Variants in USP34 observed in about 807,000 individuals in gnomAD.
USP34 encodes the protein ubiquitin carboxyl-terminal hydrolase 34.
A neutral mutation model predicts 460.3 loss-of-function variants in USP34; 70 were observed. The observed-to-expected ratio is 0.15, with a 90% CI of 0.13 to 0.19. The LOEUF is 0.19. Among genes scored for constraint, USP34 ranks in the 10% least tolerant of loss-of-function variants. USP34 has a pLI of 1.00. For missense variants in USP34, 3,985 were observed against 4,236.2 expected, an observed-to-expected ratio of 0.94 and a Z score of 1.65; for synonymous variants, 1,647 against 1,405.3, an observed-to-expected ratio of 1.17 and a Z score of -3.85.
intron 35 of USP34, 96 bp downstream of exon 35, chr2:61,284,779 A>G (rs1031253813): frequency 1.0e-6 from 1 of 983,638 alleles, no homozygotes; most frequent in Non-Finnish European, 1.4e-6. Flanking sequence ...TATCCCCCAA[A>G]TTTTTCTATT....
At chr2:61,226,998 TG>T in intron 62 of USP34, 68 bp downstream of exon 62, 1 of 1,501,404 alleles carries the variant, frequency 6.7e-7, no homozygotes, top group South Asian at 1.4e-5. Context: ...GAAAAACTAG[TG>T]GTAAACAATT....
rs200995448 is a variant in USP34, at chr2:61,211,840, G to A, written c.8772C>T (p.Phe2924=). The A allele has an allele frequency of 1.2e-6, 2 of 1,608,986 alleles. No individual in the cohort carries two copies. Among genetic ancestry groups the A allele is most frequent in the Non-Finnish European group, 1.7e-6 (2 of 1,178,364 alleles). Residue 2924 remains phenylalanine, a synonymous_variant, in exon 69 of 80, where the codon TTC becomes TTT. Coordinates refer to ENST00000398571, the MANE Select transcript of USP34 (RefSeq NM_014709.4). ...AGTAACAACTTATGGTTGTTTTCTT[G>A]AACTGTTTAATATCTTCTAATTCTT... The part of the protein sequence containing the change: ...REEELEDIKQ[F]KKTTISCYLR...
At chr2:61,342,434 G>A (rs1691633791) in intron 16 of USP34, among the ~76,000 whole-genome samples, 2 of 151,332 alleles carry the variant, frequency 1.3e-5, no homozygotes, top group African/African-American at 2.4e-5. Context: ...CCAAGTAGCT[G>A]GGACTACAGG....
In USP34 at chr2:61,281,147, C is replaced by T. The variant is rs560445051; in HGVS notation, c.5094G>A (p.Leu1698=). ...GDSINRSFLL[L]AASTLLKFLP... is the part of the protein sequence containing the mutation. ...GAAATTTCAATAATGTTGAGGCAGC[C>T]AATAGCAGAAAAGAACGATTGATTG... The change falls in exon 38 of 80, where the codon TTG becomes TTA. Residue 1698 remains leucine, a synonymous_variant. Coordinates refer to ENST00000398571, the MANE Select transcript of USP34 (RefSeq NM_014709.4). 9.9e-6 allele frequency: 16 copies of T among 1,613,674 alleles called. No individual in the cohort carries two copies. The highest frequency in any genetic ancestry group is 1.6e-4 in the Middle Eastern group (1 of 6,084).
At chr2:61,303,461 C>A (rs1023073933) in intron 27 of USP34, among the ~76,000 whole-genome samples, 1 of 152,026 alleles carries the variant, frequency 6.6e-6, no homozygotes, top group Admixed American at 6.5e-5. Context: ...AATCTAATAG[C>A]GATACCATTT....
chr2:61,204,193 G>A, intron 74 of USP34, 63 bp downstream of exon 74: 1 of 1,603,430 alleles, frequency 6.2e-7, no homozygotes, highest in Non-Finnish European at 8.5e-7. Flanking sequence ...ATAACTGCCA[G>A]GGGAAAAATT....
chr2:61,378,935 A>AAAAAAAAC (rs1692885394), intron 7 of USP34, among the ~76,000 whole-genome samples: 5 of 146,110 alleles, frequency 3.4e-5, no homozygotes, highest in Admixed American at 6.9e-5. Context: ...AAAAAAAAAA[A>AAAAAAAAC]AACAACACTA....
intron 1 of USP34, 48 bp from the exon 2 acceptor site, chr2:61,420,881 A>T (rs1342243488): frequency 7.1e-7 from 1 of 1,401,936 alleles, no homozygotes; most frequent in South Asian, 1.3e-5. Flanking sequence ...CTAAACCAGT[A>T]TTAAAGCCAA....
At chr2:61,395,785 CAAAAAAAAAAAAAA>C (rs541139131) in intron 3 of USP34, among the ~76,000 whole-genome samples, 1 of 29,330 alleles carries the variant, frequency 3.4e-5, no homozygotes, top group Admixed American at 4.5e-4. Flanking sequence ...GACTCCGTCT[CAAAAAAAAAAAAAA>C]AAAAAAAAAA....
At chr2:61,264,418 G>C (rs1407126009) in intron 43 of USP34, among the ~76,000 whole-genome samples, 1 of 152,120 alleles carries the variant, frequency 6.6e-6, no homozygotes, top group Non-Finnish European at 1.5e-5. Flanking sequence ...GAAGCATCTT[G>C]TAAGCCCAGG....
chr2:61,416,887 G>A, intron 2 of USP34: 1 of 832,466 alleles, frequency 1.2e-6, no homozygotes, highest in Non-Finnish European at 1.9e-6. Context: ...AAGCCCTCAT[G>A]AGTGCAGGGC....
At chr2:61,236,554 G>A (rs1321918037) in intron 53 of USP34, among the ~76,000 whole-genome samples, 165 bp from the exon 54 acceptor site, 1 of 151,894 alleles carries the variant, frequency 6.6e-6, no homozygotes, top group Non-Finnish European at 1.5e-5. Context: ...CATATAAATG[G>A]TTGCTACTAA....
In USP34 at chr2:61,470,707, C is replaced by A. The variant is rs763301744; in HGVS notation, c.-15G>T. The A allele has an allele frequency of 6.9e-6, 11 of 1,585,608 alleles. No homozygotes were observed. Among genetic ancestry groups the A allele is most frequent in the Non-Finnish European group, 8.6e-6 (10 of 1,164,576 alleles). On this transcript the variant is annotated 5_prime_UTR_variant, in exon 1 of 80. Coordinates refer to ENST00000398571, the MANE Select transcript of USP34 (RefSeq NM_014709.4). Reference sequence around the variant, plus strand: ...TTCTCGCACATCGTTCGGCCGCCGCCCCCCCCCTCCCCCGCTTCGGATCAC... The same window carrying A: ...TTCTCGCACATCGTTCGGCCGCCGCACCCCCCCTCCCCCGCTTCGGATCAC...
At chr2:61,254,661 TAAG>T (rs1463894015) in intron 48 of USP34, among the ~76,000 whole-genome samples, 2 of 152,362 alleles carry the variant, frequency 1.3e-5, no homozygotes, top group East Asian at 3.9e-4. Context: ...TTATGGCTCT[TAAG>T]AGCCTTTTGG....
chr2:61,284,594 G>A (rs530510749), intron 35 of USP34, among the ~76,000 whole-genome samples: 1 of 152,142 alleles, frequency 6.6e-6, no homozygotes, highest in East Asian at 1.9e-4. Context: ...TTGGTCTTAG[G>A]AGATACACAA....
chr2:61,299,277 G>C (rs755592797), intron 29 of USP34, among the ~76,000 whole-genome samples: 7 of 152,042 alleles, frequency 4.6e-5, no homozygotes, highest in Admixed American at 6.5e-5. Context: ...GCCTAACACA[G>C]GGAAAACTAT....
chr2:61,281,471 G>C (rs1198305654), intron 37 of USP34, among the ~76,000 whole-genome samples: 1 of 152,168 alleles, frequency 6.6e-6, no homozygotes, highest in Non-Finnish European at 1.5e-5. Context: ...AATTAACCGG[G>C]TGTGGTGACT....
intron 6 of USP34, among the ~76,000 whole-genome samples, chr2:61,382,670 A>G (rs2103868432): frequency 6.6e-6 from 1 of 152,376 alleles, no homozygotes; most frequent in African/African-American, 2.4e-5. Context: ...TAAAATATGC[A>G]GAATCCTGAC....
intron 27 of USP34, among the ~76,000 whole-genome samples, chr2:61,305,754 G>A (rs563158548): frequency 3.1e-4 from 47 of 152,000 alleles, no homozygotes; most frequent in Non-Finnish European, 5.9e-4. Flanking sequence ...GAAAATCACT[G>A]TTAAAGAAAA....
Sources: allele counts gnomAD v4.1 joint callset (sites outside exome capture counted in the v4.1 genomes callset), GRCh38; gene constraint gnomAD v4.1.1; transcripts MANE v1.5; gene names NCBI Gene and HGNC (gene_info 2026-07-23, HGNC 2026-07-21).